EIF4E: variants seen among roughly 807,000 people sequenced by gnomAD.
The protein encoded by EIF4E is eukaryotic translation initiation factor 4E.
For missense variants in EIF4E, 113 were observed against 265.6 expected, an observed-to-expected ratio of 0.43 and a Z score of 3.99; for synonymous variants, 71 against 88.5, an observed-to-expected ratio of 0.80 and a Z score of 1.11.
Position 98,924,077 on chromosome 4 carries a change from G to GTTTTTT in EIF4E, c.18+5017_18+5018insAAAAAA, listed in dbSNP as rs201322206. Among the ~76,000 whole-genome samples, 3 of 143,614 alleles carry GTTTTTT rather than the reference G, an allele frequency of 2.1e-5. 1 individual carries two copies. Among genetic ancestry groups the GTTTTTT allele is most frequent in the African/African-American group, 5.1e-5 (2 of 39,204 alleles). 94.2% of individuals were successfully genotyped at this position (143,614 alleles called of 152,430 possible). Reference sequence around the variant, plus strand: ...CTAATAGATTAAGGAAACTTCTTTTGTTTATTTTTTTTTTTTTTGAGACGG... The same window carrying GTTTTTT: ...CTAATAGATTAAGGAAACTTCTTTTGTTTTTTTTTATTTTTTTTTTTTTTGAGACGG... On this transcript the variant is annotated intron_variant, in intron 1 of 6. Transcript: ENST00000450253.
Position 98,884,919 on chromosome 4 carries a change from T to C in EIF4E, c.539+3A>G, listed in dbSNP as rs1331763102. On this transcript the variant is annotated splice_donor_region_variant and intron_variant, in intron 6 of 6. Transcript: ENST00000450253. ...AAATAAGTAGGCAAAGAGCAAAACT[T>C]ACCCTATATGTGTAACAGCTTCTCT... is the stretch of plus-strand genomic sequence containing the variant. The C allele has an allele frequency of 1.9e-6, 3 of 1,612,172 alleles. No homozygotes were observed.
At position 98,887,967 on chromosome 4, in the gene EIF4E, A is replaced by G. The variant is rs763819637; in HGVS notation, c.222-15T>C. ...GGTTGTACAGACTAGGTAAAAGAAA[A>G]TAACAATTAAAAACACAGAATATGT... On this transcript the variant is annotated splice_polypyrimidine_tract_variant and intron_variant, in intron 3 of 6. Coordinates refer to ENST00000450253, the MANE Select transcript of EIF4E (RefSeq NM_001968.5). The surrounding 1 kb of genome is among the most constrained non-coding windows in gnomAD (Gnocchi z 4.0). The G allele has an allele frequency of 3.1e-6, 5 of 1,606,030 alleles. No homozygotes were observed. The African/African-American group carries it at 4.0e-5, about 13-fold the overall frequency.
intron 2 of EIF4E, among the ~76,000 whole-genome samples, chr4:98,892,020 C>G (rs1681632339): frequency 6.6e-6 from 1 of 152,170 alleles, no homozygotes; most frequent in African/African-American, 2.4e-5. Context: ...GCTAAGTGCT[C>G]TGACAGAGAT....
At chr4:98,902,871 A>G (rs1386656292) in intron 1 of EIF4E, among the ~76,000 whole-genome samples, 1 of 152,130 alleles carries the variant, frequency 6.6e-6, no homozygotes, top group African/African-American at 2.4e-5. Context: ...AAACAACATT[A>G]TGATGACAAA....
At chr4:98,917,363 A>G (rs181904131) in intron 1 of EIF4E, among the ~76,000 whole-genome samples, 4 of 152,202 alleles carry the variant, frequency 2.6e-5, no homozygotes, top group Admixed American at 2.0e-4. Context: ...CCCACAAAAC[A>G]GCCTCACCAG....
chr4:98,917,296 A>C (rs1725430581), intron 1 of EIF4E, among the ~76,000 whole-genome samples: 1 of 152,032 alleles, frequency 6.6e-6, no homozygotes, highest in African/African-American at 2.4e-5. Context: ...TCTTAAAACA[A>C]GATACAGAGC....
chr4:98,898,690 C>T (rs1009301966), intron 2 of EIF4E, among the ~76,000 whole-genome samples: 5 of 151,676 alleles, frequency 3.3e-5, no homozygotes, highest in Non-Finnish European at 7.4e-5. Flanking sequence ...ATTTTCTAAA[C>T]GAATAATTTT....
intron 1 of EIF4E, among the ~76,000 whole-genome samples, chr4:98,911,871 G>A (rs1370520195): frequency 6.6e-6 from 1 of 150,376 alleles, no homozygotes; most frequent in Non-Finnish European, 1.5e-5. Context: ...ACAGATGTGT[G>A]ATCTAGGATG....
intron 1 of EIF4E, chr4:98,909,840 A>T (rs2110207940): frequency 7.3e-6 from 5 of 689,594 alleles, no homozygotes; most frequent in Non-Finnish European, 1.3e-5. Context: ...TCAGGACAGG[A>T]TCAGCCATGG....
chr4:98,882,331 G>GC (rs1239077682), intron 6 of EIF4E, among the ~76,000 whole-genome samples: 1 of 148,228 alleles, frequency 6.7e-6, no homozygotes, highest in Non-Finnish European at 1.5e-5. Flanking sequence ...GGCAGAGCTT[G>GC]CAGTGAGCTT....
chr4:98,911,723 A>T (rs1474078619), intron 1 of EIF4E, among the ~76,000 whole-genome samples: 2 of 150,838 alleles, frequency 1.3e-5, no homozygotes, highest in Admixed American at 1.3e-4. Context: ...TTTAAAATAA[A>T]TTTTTTTAAA....
At chr4:98,903,685 T>C (rs1381583587) in intron 1 of EIF4E, among the ~76,000 whole-genome samples, 3 of 152,188 alleles carry the variant, frequency 2.0e-5, no homozygotes, top group Non-Finnish European at 2.9e-5. Context: ...ACGGAGACCA[T>C]GTCTTGATTT....
intron 1 of EIF4E, among the ~76,000 whole-genome samples, chr4:98,922,850 C>CTTTTTTT (rs112293850): frequency 5.1e-5 from 7 of 136,694 alleles, no homozygotes; most frequent in Admixed American, 7.5e-5. Flanking sequence ...TTTCTTTTTT[C>CTTTTTTT]TTTTTTTTTT....
Position 98,929,096 on chromosome 4 carries a change from G to A in EIF4E, c.17C>T (p.Pro6Leu), listed in dbSNP as rs374110967. 11 of 1,581,464 alleles carry A rather than the reference G, an allele frequency of 7.0e-6. No homozygotes were observed. Among genetic ancestry groups the A allele is most frequent in the East Asian group, 2.3e-5 (1 of 43,038 alleles). ...GTGGGGGCCAAAGGCAATACTCACC[G>A]GTTCGACAGTCGCCATCTTAGATCG... is the stretch of plus-strand genomic sequence containing the variant. MATVE[P>L]ETTPTPNPPT... The change falls in exon 1 of 7, where the codon CCG becomes CTG. Residue 6 changes from proline (P) to leucine (L), a missense_variant and splice_region_variant. Transcript: ENST00000450253.
At chr4:98,917,118 ACACACACACACACAC>A (rs1579181707) in intron 1 of EIF4E, among the ~76,000 whole-genome samples, 2 of 55,002 alleles carry the variant, frequency 3.6e-5, no homozygotes, top group Non-Finnish European at 3.4e-5. Flanking sequence ...ACACACACAC[ACACACACACACACAC>A]AAAAAAAACC....
At chr4:98,910,897 T>C (rs1310046370) in intron 1 of EIF4E, among the ~76,000 whole-genome samples, 2 of 151,256 alleles carry the variant, frequency 1.3e-5, no homozygotes, top group African/African-American at 2.4e-5. Context: ...ACCTGGCTAA[T>C]TATTTGTATT....
intron 2 of EIF4E, among the ~76,000 whole-genome samples, chr4:98,896,744 G>A (rs376107100): frequency 1.0e-4 from 15 of 150,086 alleles, no homozygotes; most frequent in Middle Eastern, 3.2e-3. Context: ...TTGCGAGGCC[G>A]AGGTGGATGA....
In EIF4E at chr4:98,928,671, G is replaced by T. The variant is rs903100676; in HGVS notation, c.18+424C>A. Among the ~76,000 whole-genome samples the T allele has an allele frequency of 6.3e-4, 95 of 151,912 alleles. 1 individual carries two copies. The highest frequency in any genetic ancestry group is 2.1e-3 in the African/African-American group (87 of 41,338). On this transcript the variant is annotated intron_variant, in intron 1 of 6. Transcript: ENST00000450253. ...GCAGGGAGGGAAAGGCTGCTCCAGGGCTCCCTCCTCCATCTCACTCCAGGC... is the reference window on the plus strand; with the variant it reads ...GCAGGGAGGGAAAGGCTGCTCCAGGTCTCCCTCCTCCATCTCACTCCAGGC...
At chr4:98,896,486 CAAAAAAAAAA>C (rs59729154) in intron 2 of EIF4E, among the ~76,000 whole-genome samples, 1 of 39,024 alleles carries the variant, frequency 2.6e-5, no homozygotes, top group Admixed American at 3.7e-4. Context: ...CCGCATCTCT[CAAAAAAAAAA>C]AAAAAAAAAA....
Sources: allele counts gnomAD v4.1 joint callset (sites outside exome capture counted in the v4.1 genomes callset), GRCh38; gene constraint gnomAD v4.1.1; non-coding constraint Gnocchi (gnomAD v3.1); transcripts MANE v1.5; gene names NCBI Gene and HGNC (gene_info 2026-07-23, HGNC 2026-07-21).